Variants in TMLHE observed in about 807,000 individuals in gnomAD.
TMLHE encodes the protein trimethyllysine hydroxylase, epsilon.
TMLHE carries 18 observed loss-of-function variants against 25.7 expected under a neutral mutation model. The observed-to-expected ratio is 0.70, with a 90% CI of 0.48 to 1.04. TMLHE has a LOEUF of 1.04. TMLHE is among the 50% of genes least tolerant of loss of function. The pLI is 0.00. For missense variants in TMLHE, 236 were observed against 259.0 expected (o/e 0.91, Z 0.61); for synonymous variants, 105 against 97.0 (o/e 1.08, Z -0.49).
At chrX:155,510,353 C>T (rs2124326812) in intron 5 of TMLHE, among the ~76,000 whole-genome samples, 1 of 103,779 alleles carries the variant, frequency 9.6e-6, no homozygotes, top group East Asian at 3.2e-4. Context: ...CACCCACTAA[C>T]TCATCATCTA....
At chrX:155,544,688 C>G (rs1159394520) in intron 2 of TMLHE, among the ~76,000 whole-genome samples, 1 of 111,624 alleles carries the variant, frequency 9.0e-6, no homozygotes, top group Non-Finnish European at 1.9e-5. Flanking sequence ...TCTTTGAAAC[C>G]CTCTCCCTTG....
At chrX:155,609,712 G>T in intron 1 of TMLHE, among the ~76,000 whole-genome samples, 1 of 111,452 alleles carries the variant, frequency 9.0e-6, no homozygotes, top group Admixed American at 9.5e-5. Context: ...ATCAGAAATG[G>T]GCAAAATATG....
At chrX:155,599,275 G>A (rs957096063) in intron 1 of TMLHE, among the ~76,000 whole-genome samples, 36 of 111,184 alleles carry the variant, frequency 3.2e-4, no homozygotes, top group African/African-American at 1.1e-3. Context: ...AACAAATAAA[G>A]AGAAAATACT....
At chrX:155,578,515 T>C (rs782459927) in intron 1 of TMLHE, among the ~76,000 whole-genome samples, 12 of 111,835 alleles carry the variant, frequency 1.1e-4, no homozygotes, top group African/African-American at 3.9e-4. Flanking sequence ...ACATATCACC[T>C]GTGTGCCAGG....
chrX:155,559,218 A>C (rs1297787389), intron 1 of TMLHE, among the ~76,000 whole-genome samples: 1 of 111,464 alleles, frequency 9.0e-6, no homozygotes, highest in African/African-American at 3.3e-5. Context: ...GAGTATAGTT[A>C]AAATATTGTT....
At chrX:155,509,668 T>C (rs781816778) in intron 5 of TMLHE, among the ~76,000 whole-genome samples, 1 of 111,891 alleles carries the variant, frequency 8.9e-6, no homozygotes, top group Non-Finnish European at 1.9e-5. Context: ...TCAGGATATC[T>C]AAAAGCTGCT....
rs1473661626 is a variant in TMLHE, at chrX:155,570,871, A to G, written c.-1-25594T>C. 5.2e-5 allele frequency among the ~76,000 whole-genome samples: 3 copies of G among 57,677 alleles called. 1 individual carries two copies. Among genetic ancestry groups the G allele is most frequent in the Non-Finnish European group, 1.4e-4 (3 of 22,119 alleles). 50.1% of individuals were successfully genotyped at this position (57,677 alleles called of 115,157 possible). A position where few individuals can be genotyped will look rare whatever the true frequency, so the allele number is the denominator to read the frequency against. ...AAATTTATAGCACTAAATACCCACAAGAGAAGCAGGAAAGATCCAAAATTG... is the reference window on the plus strand; with the variant it reads ...AAATTTATAGCACTAAATACCCACAGGAGAAGCAGGAAAGATCCAAAATTG... On this transcript the variant is annotated intron_variant, in intron 1 of 7. Transcript: ENST00000334398.
At chrX:155,538,885 C>A (rs1557337887) in intron 2 of TMLHE, among the ~76,000 whole-genome samples, 1 of 111,250 alleles carries the variant, frequency 9.0e-6, no homozygotes, top group Non-Finnish European at 1.9e-5. Context: ...TGTAATATCT[C>A]CCATATTAAA....
intron 1 of TMLHE, among the ~76,000 whole-genome samples, chrX:155,580,024 G>A (rs1193384155): frequency 3.6e-5 from 4 of 110,373 alleles, no homozygotes; most frequent in Non-Finnish European, 5.7e-5. Flanking sequence ...AATCAACCAG[G>A]TGCACAGACA....
At chrX:155,597,146 G>A (rs1603094846) in intron 1 of TMLHE, among the ~76,000 whole-genome samples, 1 of 104,770 alleles carries the variant, frequency 9.5e-6, no homozygotes, top group Non-Finnish European at 1.9e-5. Flanking sequence ...TTTTGTCCTT[G>A]CGATAGTTTG....
At chrX:155,578,826 G>A (rs1223011193) in intron 1 of TMLHE, among the ~76,000 whole-genome samples, 1 of 111,140 alleles carries the variant, frequency 9.0e-6, no homozygotes, top group Non-Finnish European at 1.9e-5. Context: ...CCCAAAACTG[G>A]CACACTTCAC....
At chrX:155,598,468 C>T (rs1029477713) in intron 1 of TMLHE, among the ~76,000 whole-genome samples, 1 of 103,208 alleles carries the variant, frequency 9.7e-6, no homozygotes, top group African/African-American at 3.6e-5. Context: ...AACCAAACAC[C>T]GCATGTTCTC....
intron 2 of TMLHE, among the ~76,000 whole-genome samples, chrX:155,533,370 C>G (rs868940792): frequency 1.5e-5 from 1 of 68,389 alleles, no homozygotes; most frequent in African/African-American, 4.5e-5. Context: ...TGCACACACA[C>G]GTGCACACGC....
rs181616012 is a variant in TMLHE, at chrX:155,513,599, C to T, written c.638+387G>A. 4.3e-3 allele frequency among the ~76,000 whole-genome samples: 464 copies of T among 108,971 alleles called. 2 individuals are homozygous for T. The highest frequency in any genetic ancestry group is 0.015 in the African/African-American group (454 of 29,920). 94.6% of individuals were successfully genotyped at this position (108,971 alleles called of 115,157 possible). On this transcript the variant is annotated intron_variant, in intron 4 of 7. Transcript: ENST00000334398. ...TGGGAAAATAGAGGACAGTGGGGGT[C>T]GAGGGGGTGTGTGTGTGTGTGTGTG... is the stretch of plus-strand genomic sequence containing the variant.
At chrX:155,612,503 C>CTCCAGCTCT (rs1285151387) in intron 1 of TMLHE, 5 of 112,654 alleles carry the variant, frequency 4.4e-5, no homozygotes, top group African/African-American at 9.7e-5. Flanking sequence ...CGCGAGCTTG[C>CTCCAGCTCT]TCCAGCTCTT....
At chrX:155,572,024 A>C (rs1569562197) in intron 1 of TMLHE, among the ~76,000 whole-genome samples, 1 of 53,563 alleles carries the variant, frequency 1.9e-5, no homozygotes, top group Non-Finnish European at 4.8e-5. Context: ...CTATTCAATT[A>C]GGAAAAGAGG....
At chrX:155,551,732 T>G (rs1224332979) in intron 1 of TMLHE, among the ~76,000 whole-genome samples, 1 of 110,293 alleles carries the variant, frequency 9.1e-6, no homozygotes, top group Admixed American at 9.6e-5. Flanking sequence ...ACAGTTTTAA[T>G]GTCCTGGTCA....
chrX:155,506,319 A>G (rs2067075675), intron 6 of TMLHE, among the ~76,000 whole-genome samples: 1 of 111,294 alleles, frequency 9.0e-6, no homozygotes, highest in Non-Finnish European at 1.9e-5. Context: ...GATTGAGTTG[A>G]TAAGACTGGT....
intron 1 of TMLHE, among the ~76,000 whole-genome samples, chrX:155,548,539 GCCTGACTAACATGGTGAAAC>G (rs1569562095): frequency 1.9e-5 from 2 of 107,093 alleles, no homozygotes; most frequent in African/African-American, 3.6e-5. Flanking sequence ...TATGAGGCCA[GCCTGACTAACATGGTGAAAC>G]CCTGTCTCTA....
Sources: allele counts gnomAD v4.1 joint callset (sites outside exome capture counted in the v4.1 genomes callset), GRCh38; gene constraint gnomAD v4.1.1; transcripts MANE v1.5; gene names NCBI Gene and HGNC (gene_info 2026-07-23, HGNC 2026-07-21).